RLBP1: variants seen among roughly 807,000 people sequenced by gnomAD.
RLBP1 encodes retinaldehyde binding protein 1.
In RLBP1, 26 loss-of-function variants were observed where a neutral mutation model predicts 36.2. The ratio of observed to expected loss-of-function variants is 0.72; its 90% CI spans 0.53 to 1.00. The LOEUF (loss-of-function observed/expected upper bound fraction) is 1.00. RLBP1 is among the 50% of genes least tolerant of loss of function. The pLI, the probability that RLBP1 is intolerant of heterozygous loss-of-function variation, is 0.00. For synonymous variants in RLBP1, 155 were observed against 156.2 expected, an observed-to-expected ratio of 0.99 and a Z score of 0.06; for missense variants, 410 against 402.4, an observed-to-expected ratio of 1.02 and a Z score of -0.16.
Position 89,214,964 on chromosome 15 carries a change from G to A in RLBP1, c.525+96C>T. 6.1e-6 allele frequency: 8 copies of A among 1,307,606 alleles called. No individual in the cohort carries two copies. The highest frequency in any genetic ancestry group is 8.8e-6 in the Non-Finnish European group (8 of 904,608). 81.0% of individuals were successfully genotyped at this position (1,307,606 alleles called of 1,614,324 possible). ...CCACCTTTCCCCCTCTACAGACCTT[G>A]CCTCCTGGAGAACCAGGAATGAGGG... On this transcript the variant is annotated intron_variant, in intron 6 of 8. Coordinates refer to ENST00000268125, the MANE Select transcript of RLBP1 (RefSeq NM_000326.5). The surrounding 1 kb of genome is among the most constrained non-coding windows in gnomAD (Gnocchi z 4.6).
Position 89,210,553 on chromosome 15 carries a change from C to T in RLBP1, c.796-110G>A. On this transcript the variant is annotated intron_variant, in intron 8 of 8. Coordinates refer to ENST00000268125, the MANE Select transcript of RLBP1 (RefSeq NM_000326.5). The surrounding 1 kb of genome is among the most constrained non-coding windows in gnomAD (Gnocchi z 4.7). ...AAGCCCCATCATGTGCAGTCTTTGC[C>T]TGGCGACACCTCTCTCCGCAGGTCT... 12 of 1,331,110 alleles carry T rather than the reference C, an allele frequency of 9.0e-6. No homozygotes were observed. The highest frequency in any genetic ancestry group is 1.3e-5 in the Non-Finnish European group (12 of 934,382). The allele number at this position is 1,331,110 out of a possible 1,614,324, so 82.5% of individuals were successfully genotyped here.
chr15:89,216,591 G>C (rs1273587456), intron 5 of RLBP1, among the ~76,000 whole-genome samples: 1 of 152,168 alleles, frequency 6.6e-6, no homozygotes, highest in African/African-American at 2.4e-5. Flanking sequence ...CAAAGTGCTG[G>C]GATTACAGGC....
At position 89,215,078 on chromosome 15, in the gene RLBP1, T is replaced by C. The variant is rs1250151216; in HGVS notation, c.507A>G (p.Gln169=). The C allele has an allele frequency of 3.7e-6, 6 of 1,614,112 alleles. No homozygotes were observed. Among genetic ancestry groups the C allele is most frequent in the Non-Finnish European group, 5.1e-6 (6 of 1,180,050 alleles). The stretch of plus-strand genomic sequence containing the variant: ...CACTAACCTCATCAAAGGTGATTTC[T>C]TGACTTTGCCAGTTCTCAATGTTGA... The part of the protein sequence containing the change: ...MLFNIENWQS[Q]EITFDEILQA... Residue 169 remains glutamine (Q), a synonymous_variant, in exon 6 of 9, where the codon CAA becomes CAG. Transcript: ENST00000268125.
Position 89,210,135 on chromosome 15 carries a change from A to G in RLBP1, c.*150T>C, listed in dbSNP as rs1567121322. 3.6e-6 allele frequency: 3 copies of G among 832,724 alleles called. No homozygotes were observed. Among genetic ancestry groups the G allele is most frequent in the Non-Finnish European group, 4.0e-6 (2 of 499,944 alleles). The allele number at this position is 832,724 out of a possible 1,614,324, so 51.6% of individuals were successfully genotyped here. On this transcript the variant is annotated 3_prime_UTR_variant, in exon 9 of 9. Transcript: ENST00000268125. The surrounding 1 kb of genome is among the most constrained non-coding windows in gnomAD (Gnocchi z 4.7). The stretch of plus-strand genomic sequence containing the variant: ...CCTTTATTACCCATCCCCCAACTTG[A>G]GAACAGGGTGACACCTGAGCTCACT...
rs755543492 is a variant in RLBP1 at position 89,211,845 on chromosome 15, T to G, written c.582A>C (p.Gln194His). 2 of 1,614,222 alleles carry G rather than the reference T, an allele frequency of 1.2e-6. No homozygotes were observed. The highest frequency in any genetic ancestry group is 1.7e-6 in the Non-Finnish European group (2 of 1,180,034). ...TCTCAATGATGCAGAAGCCATTGATTTGAGTTTCCTCATTCTCCAGCAGCT... is the reference window on the plus strand; with the variant it reads ...TCTCAATGATGCAGAAGCCATTGATGTGAGTTTCCTCATTCTCCAGCAGCT... ...LEKLLENEET[Q>H]INGFCIIENF... is the part of the protein sequence containing the mutation. Residue 194 changes from glutamine (Q) to histidine (H), a missense_variant, in exon 7 of 9, where the codon CAA (glutamine) becomes CAC (histidine). Gln to His is a conservative substitution (Grantham distance 24). Transcript: ENST00000268125. This position sits in a 1 kb window ranked among gnomAD's most constrained non-coding sequence, Gnocchi z 5.8.
At position 89,218,464 on chromosome 15, in the gene RLBP1, A is replaced by C. The variant is rs2051600039; in HGVS notation, c.141+101T>G. Reference sequence around the variant, plus strand: ...GTCTATCAGGTCCAGGATGATCTGGAGTGCCGAGGCTGGACCCTTTTCACA... The same window carrying C: ...GTCTATCAGGTCCAGGATGATCTGGCGTGCCGAGGCTGGACCCTTTTCACA... On this transcript the variant is annotated intron_variant, in intron 4 of 8. Coordinates refer to ENST00000268125, the MANE Select transcript of RLBP1 (RefSeq NM_000326.5). This position sits in a 1 kb window ranked among gnomAD's most constrained non-coding sequence, Gnocchi z 4.6. 21 of 1,539,158 alleles carry C rather than the reference A, an allele frequency of 1.4e-5. No individual in the cohort carries two copies. The highest frequency in any genetic ancestry group is 2.3e-5 in the East Asian group (1 of 44,440).
At position 89,210,315 on chromosome 15, in the gene RLBP1, G is replaced by A; in HGVS notation, c.924C>T (p.Pro308=). The part of the protein sequence containing the change: ...GKAVAEQLFG[P]QAQAENTAF ...AGGCTGTGTTCTCAGCTTGGGCCTG[G>A]GGGCCAAAGAGCTGCTCAGCAACGG... is the stretch of plus-strand genomic sequence containing the variant. The change falls in exon 9 of 9, where the codon CCC becomes CCT. Residue 308 remains proline (P), a synonymous_variant. Coordinates refer to ENST00000268125, the MANE Select transcript of RLBP1 (RefSeq NM_000326.5). This position sits in a 1 kb window ranked among gnomAD's most constrained non-coding sequence, Gnocchi z 4.7. 2 of 1,614,204 alleles carry A rather than the reference G, an allele frequency of 1.2e-6. No individual in the cohort carries two copies. The highest frequency in any genetic ancestry group is 1.7e-6 in the Non-Finnish European group (2 of 1,180,038).
chr15:89,217,271 C>G lies in RLBP1; in HGVS notation c.195G>C (p.Glu65Asp). Residue 65 changes from glutamate to aspartate, a missense_variant, in exon 5 of 9, where the codon GAG becomes GAC. By Grantham distance (45) the Glu-to-Asp change is conservative. Transcript: ENST00000268125. ...REETREEAVR[E>D]LQEMVQAQAA... is the part of the protein sequence containing the mutation. ...CCTGCGCCTGCACCATCTCCTGCAG[C>G]TCTCGCACTGCCTCCTCCCGGGTCT... is the stretch of plus-strand genomic sequence containing the variant. 1.2e-6 allele frequency: 2 copies of G among 1,610,388 alleles called. No homozygotes were observed. Among genetic ancestry groups the G allele is most frequent in the Non-Finnish European group, 1.7e-6 (2 of 1,180,016 alleles).
chr15:89,219,440 T>C (rs2051609267), intron 2 of RLBP1: 1 of 192,084 alleles, frequency 5.2e-6, no homozygotes, highest in Admixed American at 5.3e-5. Context: ...TCCTCCCTCC[T>C]GTGGCCATCC....
At chr15:89,220,744 G>A (rs2051619917) in intron 1 of RLBP1, among the ~76,000 whole-genome samples, 1 of 152,136 alleles carries the variant, frequency 6.6e-6, no homozygotes, top group African/African-American at 2.4e-5. Flanking sequence ...GGGGAGCCCA[G>A]GCAAGAGGGA....
intron 4 of RLBP1, among the ~76,000 whole-genome samples, chr15:89,217,819 C>T (rs2051594803): frequency 1.3e-5 from 2 of 152,184 alleles, no homozygotes; most frequent in African/African-American, 2.4e-5. Flanking sequence ...TTCAAAAACA[C>T]GGCTCTCTGG....
At position 89,210,106 on chromosome 15, in the gene RLBP1, C is replaced by A; in HGVS notation, c.*179G>T. 1.5e-6 allele frequency: 1 copy of A among 671,412 alleles called. No individual in the cohort carries two copies. Among genetic ancestry groups the A allele is most frequent in the Non-Finnish European group, 2.6e-6 (1 of 380,578 alleles). The allele number at this position is 671,412 out of a possible 1,614,324, so 41.6% of individuals were successfully genotyped here. Reference sequence around the variant, plus strand: ...AGTTCTTCTTGTTCAAGGGAATTCCCCCTCCTTTATTACCCATCCCCCAAC... The same window carrying A: ...AGTTCTTCTTGTTCAAGGGAATTCCACCTCCTTTATTACCCATCCCCCAAC... On this transcript the variant is annotated 3_prime_UTR_variant, in exon 9 of 9. Transcript: ENST00000268125. This position sits in a 1 kb window ranked among gnomAD's most constrained non-coding sequence, Gnocchi z 4.7.
At chr15:89,212,622 G>GCA (rs1187040767) in intron 6 of RLBP1, among the ~76,000 whole-genome samples, 10 of 128,326 alleles carry the variant, frequency 7.8e-5, no homozygotes, top group African/African-American at 2.8e-4. Flanking sequence ...GTGTGTGTGT[G>GCA]CGCGTGTGTG....
intron 1 of RLBP1, among the ~76,000 whole-genome samples, chr15:89,220,860 C>A (rs1297836973): frequency 6.6e-6 from 1 of 152,078 alleles, no homozygotes; most frequent in East Asian, 1.9e-4. Context: ...CTAAATATGC[C>A]CAAGCCATTA....
Position 89,218,870 on chromosome 15 carries a change from A to C in RLBP1, c.12+94T>G, listed in dbSNP as rs1458619114. On this transcript the variant is annotated intron_variant, in intron 3 of 8. Coordinates refer to ENST00000268125, the MANE Select transcript of RLBP1 (RefSeq NM_000326.5). The surrounding 1 kb of genome is among the most constrained non-coding windows in gnomAD (Gnocchi z 4.6). ...AGTGTGTGCCTATATTCCCGGGCAGAGCATAAGATAGAGAAGTAAGGAGGG... is the reference window on the plus strand; with the variant it reads ...AGTGTGTGCCTATATTCCCGGGCAGCGCATAAGATAGAGAAGTAAGGAGGG... 1.3e-6 allele frequency: 2 copies of C among 1,531,662 alleles called. No individual in the cohort carries two copies. The highest frequency in any genetic ancestry group is 1.8e-6 in the Non-Finnish European group (2 of 1,111,598). The allele number at this position is 1,531,662 out of a possible 1,614,324, so 94.9% of individuals were successfully genotyped here.
intron 6 of RLBP1, among the ~76,000 whole-genome samples, chr15:89,212,427 C>CA (rs1185881371): frequency 1.3e-5 from 2 of 151,502 alleles, no homozygotes; most frequent in South Asian, 2.1e-4. Flanking sequence ...ACTAAAAATA[C>CA]AAAAAAATCA....
chr15:89,214,933 G>A lies in RLBP1; in HGVS notation c.525+127C>T. On this transcript the variant is annotated intron_variant, in intron 6 of 8. Coordinates refer to ENST00000268125, the MANE Select transcript of RLBP1 (RefSeq NM_000326.5). This position sits in a 1 kb window ranked among gnomAD's most constrained non-coding sequence, Gnocchi z 4.6. ...GCCTGGAAAGGGCTAGGTGGCAGGT[G>A]GCTGCCCACCTTTCCCCCTCTACAG... is the stretch of plus-strand genomic sequence containing the variant. The A allele has an allele frequency of 2.1e-6, 2 of 972,670 alleles. No individual in the cohort carries two copies. 60.3% of individuals were successfully genotyped at this position (972,670 alleles called of 1,614,324 possible).
In RLBP1 at chr15:89,215,089, A is replaced by C. The variant is rs751664968; in HGVS notation, c.496T>G (p.Trp166Gly). 9.9e-6 allele frequency: 16 copies of C among 1,614,218 alleles called. No homozygotes were observed. The highest frequency in any genetic ancestry group is 1.4e-5 in the Non-Finnish European group (16 of 1,180,030). ...RVVMLFNIEN[W>G]QSQEITFDEI... ...TCAAAGGTGATTTCTTGACTTTGCC[A>C]GTTCTCAATGTTGAAGAGCATGACC... Residue 166 changes from tryptophan (W) to glycine (G), a missense_variant, in exon 6 of 9, where the codon TGG becomes GGG. Coordinates refer to ENST00000268125, the MANE Select transcript of RLBP1 (RefSeq NM_000326.5).
rs1051807311 is a variant in RLBP1, at chr15:89,211,007, C to T, written c.685-198G>A. ...CTGGCTCACTGTGGCCCAGACTGCA[C>T]GGAGGAAGCCCCAAGATTCATAAGA... is the stretch of plus-strand genomic sequence containing the variant. On this transcript the variant is annotated intron_variant, in intron 7 of 8. Transcript: ENST00000268125. This position sits in a 1 kb window ranked among gnomAD's most constrained non-coding sequence, Gnocchi z 5.8. Among the ~76,000 whole-genome samples, 5 of 152,124 alleles carry T rather than the reference C, an allele frequency of 3.3e-5. No individual in the cohort carries two copies. The highest frequency in any genetic ancestry group is 7.2e-5 in the African/African-American group (3 of 41,400).
Sources: gnomAD v4.1 joint callset for allele counts (sites outside exome capture counted in the v4.1 genomes callset) on GRCh38, gnomAD v4.1.1 for gene constraint, Gnocchi (gnomAD v3.1) non-coding constraint, MANE v1.5 for transcripts, NCBI Gene and HGNC (gene_info 2026-07-23, HGNC 2026-07-21) for gene names.